The following CCSER1 variants were observed in gnomAD, a reference collection of about 807,000 sequenced individuals.
CCSER1 encodes the protein coiled-coil serine rich protein 1.
In CCSER1, 41 loss-of-function variants were observed where a neutral mutation model predicts 82.0. The observed-to-expected ratio is 0.50, with a 90% CI of 0.39 to 0.65. The LOEUF (loss-of-function observed/expected upper bound fraction) is 0.65. CCSER1 is among the 30% of genes least tolerant of loss of function. CCSER1 has a pLI of 0.00. For missense variants in CCSER1, 1,119 were observed against 1,064.2 expected, an observed-to-expected ratio of 1.05 and a Z score of -0.72; for synonymous variants, 414 against 383.9, an observed-to-expected ratio of 1.08 and a Z score of -0.92.
intron 3 of CCSER1, among the ~76,000 whole-genome samples, chr4:90,393,788 T>C (rs1751550622): frequency 6.8e-6 from 1 of 147,498 alleles, no homozygotes; most frequent in Non-Finnish European, 1.5e-5. Context: ...TTTTTTTTTT[T>C]TTTTTTGGGA....
At chr4:90,467,149 G>A (rs992096093) in intron 4 of CCSER1, among the ~76,000 whole-genome samples, 1 of 151,766 alleles carries the variant, frequency 6.6e-6, no homozygotes, top group Admixed American at 6.6e-5. Flanking sequence ...GCACTTTGGA[G>A]GTGGAGGTGG....
intron 3 of CCSER1, among the ~76,000 whole-genome samples, chr4:90,343,804 T>G (rs1048509954): frequency 1.1e-4 from 17 of 152,166 alleles, no homozygotes; most frequent in African/African-American, 3.9e-4. Flanking sequence ...TGCGACATTT[T>G]CATACAGGCA....
intron 4 of CCSER1, among the ~76,000 whole-genome samples, chr4:90,444,465 T>C (rs546893746): frequency 6.6e-6 from 1 of 152,146 alleles, no homozygotes; most frequent in African/African-American, 2.4e-5. Context: ...TTATAGTTGG[T>C]TTTTGCCAAC....
intron 5 of CCSER1, among the ~76,000 whole-genome samples, chr4:90,586,977 G>T (rs1021167414): frequency 6.6e-6 from 1 of 152,100 alleles, no homozygotes; most frequent in African/African-American, 2.4e-5. Flanking sequence ...GATTACCTTC[G>T]TGGGCCTACC....
chr4:91,478,028 G>A (rs1757687456), intron 10 of CCSER1, among the ~76,000 whole-genome samples: 1 of 151,752 alleles, frequency 6.6e-6, no homozygotes, highest in Non-Finnish European at 1.5e-5. Context: ...TAATTCATCA[G>A]GTGGCAAATA....
intron 7 of CCSER1, among the ~76,000 whole-genome samples, chr4:90,734,022 CA>C (rs1470580084): frequency 6.6e-6 from 1 of 151,778 alleles, no homozygotes; most frequent in African/African-American, 2.4e-5. Context: ...TTTGTGATTC[CA>C]AATTTATAAA....
chr4:90,283,921 G>C (rs1317711926), intron 1 of CCSER1, among the ~76,000 whole-genome samples: 2 of 151,942 alleles, frequency 1.3e-5, no homozygotes, highest in Non-Finnish European at 2.9e-5. Flanking sequence ...CTCCACAGTA[G>C]CTATATTAAT....
rs1212632039 is a variant in CCSER1 at position 90,271,846 on chromosome 4, ATATATATATATATATATTTTTTTT to A, written c.-41-36396_-41-36373del. Among the ~76,000 whole-genome samples the A allele has an allele frequency of 3.8e-3, 95 of 24,832 alleles. 8 individuals are homozygous for A. Among genetic ancestry groups the A allele is most frequent in the African/African-American group, 0.024 (90 of 3,808 alleles). 16.3% of individuals were successfully genotyped at this position (24,832 alleles called of 152,430 possible). A position where few individuals can be genotyped will look rare whatever the true frequency, so the allele number is the denominator to read the frequency against. On this transcript the variant is annotated intron_variant, in intron 1 of 10. Coordinates refer to ENST00000509176, the MANE Select transcript of CCSER1 (RefSeq NM_001145065.2). The stretch of plus-strand genomic sequence containing the variant: ...ACAATTTATATATATATATATATAT[ATATATATATATATATATTTTTTTT>A]TTTTTTTTTTTTTTTTTTTTAAAAG...
At chr4:90,561,478 A>T (rs980931102) in intron 5 of CCSER1, among the ~76,000 whole-genome samples, 2 of 152,362 alleles carry the variant, frequency 1.3e-5, no homozygotes, top group Admixed American at 1.3e-4. Context: ...GACTGAACAT[A>T]TAAAATTGGG....
At chr4:90,920,726 ATT>A (rs979146829) in intron 8 of CCSER1, among the ~76,000 whole-genome samples, 5 of 151,704 alleles carry the variant, frequency 3.3e-5, no homozygotes, top group Non-Finnish European at 7.4e-5. Context: ...GAATTGTCTT[ATT>A]TTTCTGACTC....
chr4:90,385,759 A>G (rs1039690376), intron 3 of CCSER1, among the ~76,000 whole-genome samples: 8 of 151,692 alleles, frequency 5.3e-5, no homozygotes, highest in Admixed American at 1.3e-4. Flanking sequence ...GCATTTTTTC[A>G]TATATTTCTT....
intron 6 of CCSER1, among the ~76,000 whole-genome samples, chr4:90,697,857 C>T (rs1737277066): frequency 6.6e-6 from 1 of 151,972 alleles, no homozygotes; most frequent in Admixed American, 6.6e-5. Flanking sequence ...GCTTGAAATC[C>T]AGAAAGGATA....
intron 1 of CCSER1, among the ~76,000 whole-genome samples, chr4:90,204,923 G>A (rs1170110518): frequency 6.6e-6 from 1 of 152,096 alleles, no homozygotes; most frequent in East Asian, 1.9e-4. Context: ...CTTGTAAGTT[G>A]TATTCCTAGG....
intron 9 of CCSER1, among the ~76,000 whole-genome samples, chr4:90,979,656 A>G (rs1735928641): frequency 6.6e-6 from 1 of 151,752 alleles, no homozygotes; most frequent in African/African-American, 2.4e-5. Context: ...GTGAAATGTG[A>G]GTAGGAGTCT....
chr4:91,408,785 G>GGAT (rs1456462745), intron 10 of CCSER1, among the ~76,000 whole-genome samples: 5 of 152,164 alleles, frequency 3.3e-5, no homozygotes, highest in African/African-American at 1.2e-4. Context: ...CACAATGGCA[G>GGAT]GATGATACAG....
chr4:91,526,308 T>C (rs912056271), intron 10 of CCSER1, among the ~76,000 whole-genome samples: 6 of 152,210 alleles, frequency 3.9e-5, no homozygotes, highest in African/African-American at 1.4e-4. Context: ...GAAAATATTT[T>C]AAATCTACCT....
Position 91,154,835 on chromosome 4 carries a change from C to T in CCSER1, c.2217+68841C>T, listed in dbSNP as rs74372356. 1.7e-4 allele frequency among the ~76,000 whole-genome samples: 26 copies of T among 151,934 alleles called. No individual in the cohort carries two copies. In the East Asian group the frequency reaches 5.0e-3, roughly 29 times the overall value. Reference sequence around the variant, plus strand: ...TCTATATCAGGCGCAGTTTTAAGTGCTCATTTAATCTTTTGAACTGCTACA... The same window carrying T: ...TCTATATCAGGCGCAGTTTTAAGTGTTCATTTAATCTTTTGAACTGCTACA... On this transcript the variant is annotated intron_variant, in intron 10 of 10. Transcript: ENST00000509176.
intron 10 of CCSER1, among the ~76,000 whole-genome samples, chr4:91,136,168 A>G (rs1420453867): frequency 6.6e-6 from 1 of 152,138 alleles, no homozygotes; most frequent in Non-Finnish European, 1.5e-5. Flanking sequence ...ACCTACCTCT[A>G]TCTCACATCA....
intron 6 of CCSER1, among the ~76,000 whole-genome samples, chr4:90,668,218 G>T (rs1285276041): frequency 6.6e-6 from 1 of 152,090 alleles, no homozygotes; most frequent in Non-Finnish European, 1.5e-5. Context: ...ATTTTTCTAG[G>T]TATAGTAGTC....
Sources: gnomAD v4.1 joint callset for allele counts (sites outside exome capture counted in the v4.1 genomes callset) on GRCh38, gnomAD v4.1.1 for gene constraint, MANE v1.5 for transcripts, NCBI Gene and HGNC (gene_info 2026-07-23, HGNC 2026-07-21) for gene names.